LRP1B: variants seen among roughly 807,000 people sequenced by gnomAD.
LRP1B encodes the protein LDL receptor related protein 1B, also known as low-density lipoprotein receptor-related protein 1B.
LRP1B carries 217 observed loss-of-function variants against 556.6 expected under a neutral mutation model. That is an observed-to-expected ratio of 0.39 (90% confidence interval 0.35 to 0.44). The LOEUF is 0.44. LRP1B is among the 20% of genes least tolerant of loss of function. The probability of loss-of-function intolerance (pLI) is 1.00; values close to 1 mark genes in which losing one functional copy is unlikely to be tolerated. For synonymous variants in LRP1B, 2,047 were observed against 1,865.8 expected (o/e 1.10, Z -2.50); for missense variants, 5,053 against 5,620.8 (o/e 0.90, Z 3.23).
intron 7 of LRP1B, among the ~76,000 whole-genome samples, chr2:141,065,790 C>CTTAA (rs1336047171): frequency 1.3e-5 from 2 of 151,728 alleles, no homozygotes; most frequent in Non-Finnish European, 2.9e-5. Context: ...TTTCTGAACA[C>CTTAA]TTAACTCTCT....
intron 83 of LRP1B, among the ~76,000 whole-genome samples, chr2:140,312,526 G>T (rs903697200): frequency 6.6e-6 from 1 of 151,880 alleles, no homozygotes; most frequent in Non-Finnish European, 1.5e-5. Flanking sequence ...CAGCAAAAAT[G>T]TCTTAATGAT....
At chr2:140,494,878 T>C (rs80337612) in intron 56 of LRP1B, among the ~76,000 whole-genome samples, 8,570 of 152,196 alleles carry the variant, frequency 0.056, 301 homozygotes, top group African/African-American at 0.079. Flanking sequence ...ATATTTGACT[T>C]ATTATACTTA....
chr2:141,214,367 G>A (rs1437538857), intron 6 of LRP1B, among the ~76,000 whole-genome samples: 2 of 152,128 alleles, frequency 1.3e-5, no homozygotes, highest in East Asian at 1.9e-4. Flanking sequence ...ACAGACACCC[G>A]AGCCTGTCCT....
intron 20 of LRP1B, among the ~76,000 whole-genome samples, chr2:140,936,947 A>C (rs1041037882): frequency 1.3e-5 from 2 of 152,158 alleles, no homozygotes; most frequent in Non-Finnish European, 2.9e-5. Context: ...ATTTTGTGAC[A>C]TCAATAACTG....
At chr2:141,803,973 ATC>A (rs1324623485) in intron 2 of LRP1B, among the ~76,000 whole-genome samples, 1 of 152,086 alleles carries the variant, frequency 6.6e-6, no homozygotes, top group African/African-American at 2.4e-5. Context: ...GCAGATTCAC[ATC>A]TCACCTAATG....
chr2:141,048,458 G>A (rs573833404), intron 11 of LRP1B, among the ~76,000 whole-genome samples: 12 of 152,122 alleles, frequency 7.9e-5, no homozygotes, highest in African/African-American at 2.9e-4. Flanking sequence ...AATAAAAATA[G>A]ATATAAATGT....
intron 79 of LRP1B, among the ~76,000 whole-genome samples, chr2:140,330,753 A>G (rs528939401): frequency 1.3e-5 from 2 of 152,320 alleles, no homozygotes; most frequent in African/African-American, 4.8e-5. Context: ...GCTTCTGCAC[A>G]GCAAAATAAA....
At chr2:141,931,418 G>T (rs1700501266) in intron 1 of LRP1B, among the ~76,000 whole-genome samples, 1 of 151,960 alleles carries the variant, frequency 6.6e-6, no homozygotes, top group Admixed American at 6.6e-5. Context: ...AACTGGTAGG[G>T]AGGTCAGGAA....
chr2:141,121,905 T>C (rs927483573), intron 7 of LRP1B, among the ~76,000 whole-genome samples: 1 of 151,978 alleles, frequency 6.6e-6, no homozygotes, highest in African/African-American at 2.4e-5. Context: ...AAAACAGAGA[T>C]ATAGGCCAAT....
chr2:140,739,292 A>G (rs1477783621), intron 35 of LRP1B, among the ~76,000 whole-genome samples: 1 of 152,174 alleles, frequency 6.6e-6, no homozygotes, highest in Non-Finnish European at 1.5e-5. Flanking sequence ...TGTCAGAAGA[A>G]CAACAACTGT....
At chr2:141,442,436 T>TTC (rs1681013854) in intron 3 of LRP1B, among the ~76,000 whole-genome samples, 1 of 151,856 alleles carries the variant, frequency 6.6e-6, no homozygotes, top group Admixed American at 6.6e-5. Flanking sequence ...TTTTTTTTTT[T>TTC]TTTTTAATTA....
rs1690287436 is a variant in LRP1B, at chr2:141,663,083, G to A, written c.205+147196C>T. Reference sequence around the variant, plus strand: ...GAAATTGAACAACCTGCTCCTGAATGACTCCTGGGTAAATAACGAAATTAA... The same window carrying A: ...GAAATTGAACAACCTGCTCCTGAATAACTCCTGGGTAAATAACGAAATTAA... On this transcript the variant is annotated intron_variant, in intron 2 of 90. Transcript: ENST00000389484. 1.3e-5 allele frequency among the ~76,000 whole-genome samples: 2 copies of A among 152,166 alleles called. 1 individual carries two copies. The highest frequency in any genetic ancestry group is 4.1e-4 in the South Asian group (2 of 4,824).
intron 1 of LRP1B, among the ~76,000 whole-genome samples, chr2:141,857,780 C>G (rs939012074): frequency 6.6e-6 from 1 of 152,096 alleles, no homozygotes; most frequent in African/African-American, 2.4e-5. Flanking sequence ...GGTAGTTAAC[C>G]TTCTTCCTCT....
intron 87 of LRP1B, among the ~76,000 whole-genome samples, chr2:140,240,479 A>G (rs536920125): frequency 6.6e-6 from 1 of 150,970 alleles, no homozygotes; most frequent in South Asian, 2.1e-4. Context: ...TAGGCAGACA[A>G]TAATAGCCCA....
At chr2:140,483,490 T>C (rs1241167355) in intron 59 of LRP1B, among the ~76,000 whole-genome samples, 2 of 150,888 alleles carry the variant, frequency 1.3e-5, no homozygotes, top group Non-Finnish European at 1.5e-5. Context: ...GTGAAGCATA[T>C]TGAATAGCAT....
chr2:141,982,311 T>C (rs958433652), intron 1 of LRP1B, among the ~76,000 whole-genome samples: 1 of 152,204 alleles, frequency 6.6e-6, no homozygotes, highest in Non-Finnish European at 1.5e-5. Context: ...GTATTTTTAG[T>C]TGCCAAAGAT....
At chr2:141,866,493 CAGAG>C (rs1379063317) in intron 1 of LRP1B, among the ~76,000 whole-genome samples, 1 of 152,010 alleles carries the variant, frequency 6.6e-6, no homozygotes, top group Non-Finnish European at 1.5e-5. Context: ...TATGAAAACT[CAGAG>C]AGAGGATATA....
At chr2:140,784,903 A>G (rs1395434283) in intron 32 of LRP1B, among the ~76,000 whole-genome samples, 1 of 152,108 alleles carries the variant, frequency 6.6e-6, no homozygotes, top group Non-Finnish European at 1.5e-5. Context: ...GTTGTAAAAC[A>G]AATAAAAGAA....
At chr2:140,967,486 C>T (rs1003118591) in intron 18 of LRP1B, among the ~76,000 whole-genome samples, 3 of 152,142 alleles carry the variant, frequency 2.0e-5, no homozygotes, top group African/African-American at 7.2e-5. Context: ...CATCTGCAAA[C>T]AGGGATAATT....
Sources: gnomAD v4.1 joint callset for allele counts (sites outside exome capture counted in the v4.1 genomes callset) on GRCh38, gnomAD v4.1.1 for gene constraint, MANE v1.5 for transcripts, NCBI Gene and HGNC (gene_info 2026-07-23, HGNC 2026-07-21) for gene names.